Variants in PDXDC1 observed in about 807,000 individuals in gnomAD.
PDXDC1 encodes pyridoxal dependent decarboxylase domain containing 1.
PDXDC1 carries 42 observed loss-of-function variants against 100.1 expected under a neutral mutation model. The ratio of observed to expected loss-of-function variants is 0.42; its 90% CI spans 0.33 to 0.54. The LOEUF (loss-of-function observed/expected upper bound fraction) is 0.54. Among genes scored for constraint, PDXDC1 ranks in the 20% least tolerant of loss-of-function variants. The pLI is 0.10. For missense variants in PDXDC1, 636 were observed against 979.2 expected, an observed-to-expected ratio of 0.65 and a Z score of 4.68; for synonymous variants, 260 against 371.7, an observed-to-expected ratio of 0.70 and a Z score of 3.46.
At position 15,022,741 on chromosome 16, in the gene PDXDC1, A is replaced by G. The variant is rs2042300753; in HGVS notation, c.1127A>G (p.Tyr376Cys). ...RLQESLKKVN[Y>C]IKILVEDELS... is the part of the protein sequence containing the mutation. ...CAGGAAAGTTTGAAGAAAGTGAATT[A>G]CATCAAAATCTTGGTATAGTATATA... is the stretch of plus-strand genomic sequence containing the variant. The change falls in exon 13 of 23, where the codon TAC becomes TGC. Residue 376 changes from tyrosine to cysteine, a missense_variant. Coordinates refer to ENST00000396410, the MANE Select transcript of PDXDC1 (RefSeq NM_015027.4). 1 of 1,611,944 alleles carries G rather than the reference A, an allele frequency of 6.2e-7. No homozygotes were observed. The highest frequency in any genetic ancestry group is 1.3e-5 in the African/African-American group (1 of 74,898).
chr16:15,032,650 C>A (rs914116423), intron 17 of PDXDC1: 3 of 297,346 alleles, frequency 1.0e-5, no homozygotes, highest in Non-Finnish European at 1.7e-5. Flanking sequence ...TGAGACCCTG[C>A]TTTAAAAAAA....
At chr16:15,019,163 T>C (rs559939396) in intron 12 of PDXDC1, among the ~76,000 whole-genome samples, 198 bp downstream of exon 12, 281 of 152,290 alleles carry the variant, frequency 1.8e-3, no homozygotes, top group Non-Finnish European at 3.0e-3. Context: ...GTCCCAGCAT[T>C]TGTGTGCAGA....
At chr16:14,999,602 T>C (rs1202386651) in intron 3 of PDXDC1, among the ~76,000 whole-genome samples, 1 of 152,248 alleles carries the variant, frequency 6.6e-6, no homozygotes, top group Non-Finnish European at 1.5e-5. Flanking sequence ...CTTAGTTCAC[T>C]CTTGAAACCT....
At chr16:15,041,775 T>C (rs1351592405), downstream of PDXDC1, 5 of 860,526 alleles carry the variant, frequency 5.8e-6, no homozygotes, top group Non-Finnish European at 1.0e-5. Flanking sequence ...GGCAGCCAAC[T>C]GAGTGTGCTC....
At chr16:15,013,766 T>C (rs2041544339) in intron 8 of PDXDC1, among the ~76,000 whole-genome samples, 1 of 152,038 alleles carries the variant, frequency 6.6e-6, no homozygotes, top group Non-Finnish European at 1.5e-5. Context: ...TCCCAGCTAC[T>C]TGGGAGGCTG....
chr16:15,092,813 A>G (rs576670188), intron 16 of PDXDC1, among the ~76,000 whole-genome samples: 2 of 152,242 alleles, frequency 1.3e-5, no homozygotes, highest in Non-Finnish European at 2.9e-5. Flanking sequence ...TACAGTAAAA[A>G]TCCAAATCTC....
At chr16:15,109,635 T>TA (rs1200130973) in intron 16 of PDXDC1, among the ~76,000 whole-genome samples, 40 of 92,784 alleles carry the variant, frequency 4.3e-4, no homozygotes, top group African/African-American at 1.4e-3. Flanking sequence ...CTAGCCTGGG[T>TA]GACAGAGTGA....
intron 16 of PDXDC1, among the ~76,000 whole-genome samples, chr16:15,043,524 A>AG (rs2043918339): frequency 6.6e-6 from 1 of 152,236 alleles, no homozygotes; most frequent in Non-Finnish European, 1.5e-5. Context: ...CCTGAGTGGC[A>AG]GAGTGAGGCC....
downstream of PDXDC1, among the ~76,000 whole-genome samples, chr16:15,143,670 G>C (rs537150719): frequency 6.6e-6 from 1 of 152,238 alleles, no homozygotes. Context: ...TGGGCCGGGG[G>C]AGCCGGGGTC....
intron 16 of PDXDC1, chr16:15,127,868 G>A (rs771755096): frequency 4.5e-6 from 7 of 1,563,000 alleles, no homozygotes; most frequent in Non-Finnish European, 6.1e-6. Context: ...GCCACCAGCA[G>A]GCGCCGGAAG....
chr16:15,050,469 C>T (rs1567770753), intron 16 of PDXDC1, among the ~76,000 whole-genome samples: 1 of 152,072 alleles, frequency 6.6e-6, no homozygotes, highest in Non-Finnish European at 1.5e-5. Flanking sequence ...GTGATGGCTC[C>T]CAACTGTAAT....
At chr16:15,109,516 G>C (rs2046944677) in intron 16 of PDXDC1, among the ~76,000 whole-genome samples, 1 of 148,254 alleles carries the variant, frequency 6.7e-6, no homozygotes, top group Admixed American at 6.8e-5. Context: ...AATTATCTGG[G>C]CATGGTGGCA....
intron 16 of PDXDC1, among the ~76,000 whole-genome samples, chr16:15,122,163 A>G (rs1177481636): frequency 1.3e-5 from 2 of 152,088 alleles, no homozygotes; most frequent in African/African-American, 4.8e-5. Flanking sequence ...GACTCTGTCT[A>G]AAAAACAAAC....
intron 16 of PDXDC1, among the ~76,000 whole-genome samples, chr16:15,048,382 G>T (rs1037113611): frequency 6.6e-6 from 1 of 152,040 alleles, no homozygotes; most frequent in Non-Finnish European, 1.5e-5. Flanking sequence ...ATAGTTTTTT[G>T]TTTGTTTGTT....
At chr16:15,142,088 C>T (rs1461455608), downstream of PDXDC1, among the ~76,000 whole-genome samples, 1 of 152,136 alleles carries the variant, frequency 6.6e-6, no homozygotes, top group Non-Finnish European at 1.5e-5. Flanking sequence ...GGAGCAGCTC[C>T]CACCCAGGCC....
intron 16 of PDXDC1, chr16:15,065,448 ACAACTGTACCTACC>A (rs2044928576): frequency 7.9e-7 from 1 of 1,268,258 alleles, no homozygotes; most frequent in Non-Finnish European, 1.1e-6. Context: ...GCTGCGTGTG[ACAACTGTACCTACC>A]ACAGAGAAAT....
intron 16 of PDXDC1, chr16:15,065,211 G>C (rs1567186784): frequency 6.3e-7 from 1 of 1,596,832 alleles, no homozygotes; most frequent in Non-Finnish European, 8.5e-7. Flanking sequence ...ATGTTTAAAA[G>C]TACCTACCTC....
At chr16:15,104,631 G>A (rs571760206) in intron 16 of PDXDC1, 853 of 1,598,276 alleles carry the variant, frequency 5.3e-4, no homozygotes, top group Non-Finnish European at 6.6e-4. Flanking sequence ...GGAGTTATCA[G>A]TTATAGAATG....
At chr16:15,012,909 A>G (rs1184113470) in intron 8 of PDXDC1, among the ~76,000 whole-genome samples, 1 of 152,222 alleles carries the variant, frequency 6.6e-6, no homozygotes, top group African/African-American at 2.4e-5. Context: ...CAGTGACTCA[A>G]GCCTGTAATC....
Sources: gnomAD v4.1 joint callset for allele counts (sites outside exome capture counted in the v4.1 genomes callset) on GRCh38, gnomAD v4.1.1 for gene constraint, MANE v1.5 for transcripts, NCBI Gene and HGNC (gene_info 2026-07-23, HGNC 2026-07-21) for gene names.